The following EPSTI1 variants were observed in gnomAD, a reference collection of about 807,000 sequenced individuals.
The protein encoded by EPSTI1 is epithelial-stromal interaction protein 1.
In EPSTI1, 66 loss-of-function variants were observed where a neutral mutation model predicts 49.9. The observed-to-expected ratio is 1.32, with a 90% CI of 1.08 to 1.62. The LOEUF (loss-of-function observed/expected upper bound fraction) is 1.62. Ranked by LOEUF, EPSTI1 falls within the 40% of genes most tolerant of loss-of-function variation. The pLI, the probability that EPSTI1 is intolerant of heterozygous loss-of-function variation, is 0.00. For missense variants in EPSTI1, 394 were observed against 365.5 expected, an observed-to-expected ratio of 1.08 and a Z score of -0.64; for synonymous variants, 137 against 130.7, an observed-to-expected ratio of 1.05 and a Z score of -0.33.
intron 8 of EPSTI1, among the ~76,000 whole-genome samples, chr13:42,913,838 G>A (rs2037753926): frequency 6.6e-6 from 1 of 152,032 alleles, no homozygotes; most frequent in South Asian, 2.1e-4. Context: ...CCCAATCTTG[G>A]GGAAGGGACA....
chr13:42,907,461 C>T (rs962626382), intron 8 of EPSTI1, among the ~76,000 whole-genome samples: 7 of 152,084 alleles, frequency 4.6e-5, no homozygotes, highest in South Asian at 2.1e-4. Flanking sequence ...TTGTCTGTAT[C>T]TCTCATTATT....
chr13:42,903,910 G>GA (rs546752826), intron 8 of EPSTI1, among the ~76,000 whole-genome samples: 302 of 152,146 alleles, frequency 2.0e-3, no homozygotes, highest in African/African-American at 6.9e-3. Context: ...TTTTCATTTG[G>GA]AAAAAATACC....
At chr13:42,947,623 T>C (rs1286145980) in intron 6 of EPSTI1, among the ~76,000 whole-genome samples, 1 of 152,224 alleles carries the variant, frequency 6.6e-6, no homozygotes, top group Non-Finnish European at 1.5e-5. Context: ...TTATCATAAT[T>C]TGGCAAAACC....
At chr13:42,974,897 C>T (rs1042174534) in intron 1 of EPSTI1, among the ~76,000 whole-genome samples, 6 of 151,922 alleles carry the variant, frequency 3.9e-5, no homozygotes, top group African/African-American at 1.2e-4. Context: ...ACTGGTTTGA[C>T]AGAAAAAGAA....
chr13:42,971,066 T>C (rs2039755807), intron 1 of EPSTI1, among the ~76,000 whole-genome samples: 1 of 152,196 alleles, frequency 6.6e-6, no homozygotes, highest in African/African-American at 2.4e-5. Context: ...CACAGACTGA[T>C]CCTAGAGGCC....
At chr13:42,980,950 G>A (rs1470208805) in intron 1 of EPSTI1, among the ~76,000 whole-genome samples, 2 of 152,114 alleles carry the variant, frequency 1.3e-5, no homozygotes, top group South Asian at 2.1e-4. Context: ...TCTTATAGCA[G>A]GGGCTCAGCT....
chr13:42,928,006 T>C (rs1302136719), intron 6 of EPSTI1, among the ~76,000 whole-genome samples: 1 of 152,208 alleles, frequency 6.6e-6, no homozygotes, highest in African/African-American at 2.4e-5. Context: ...CAGGCAGCCC[T>C]TCAGTTTACT....
intron 8 of EPSTI1, among the ~76,000 whole-genome samples, chr13:42,915,523 C>A (rs1359497212): frequency 6.6e-6 from 1 of 152,072 alleles, no homozygotes; most frequent in African/African-American, 2.4e-5. Flanking sequence ...CAGAGTGAGA[C>A]CTGGTCTCAA....
chr13:42,924,608 T>C (rs1179319995), intron 7 of EPSTI1, among the ~76,000 whole-genome samples: 2 of 152,140 alleles, frequency 1.3e-5, no homozygotes, highest in South Asian at 2.1e-4. Flanking sequence ...GCCACAAGGA[T>C]ATCCAGACAG....
intron 1 of EPSTI1, among the ~76,000 whole-genome samples, chr13:42,972,074 C>G (rs1257516750): frequency 6.6e-6 from 1 of 152,164 alleles, no homozygotes; most frequent in Non-Finnish European, 1.5e-5. Flanking sequence ...TCCCTGGAAA[C>G]TTGAATATGA....
intron 6 of EPSTI1, among the ~76,000 whole-genome samples, chr13:42,952,037 T>C (rs1047793008): frequency 1.3e-5 from 2 of 152,158 alleles, no homozygotes; most frequent in African/African-American, 4.8e-5. Context: ...AATGCACCAA[T>C]CAGTGCTCTG....
At chr13:42,990,801 G>A (rs2040180359) in intron 1 of EPSTI1, among the ~76,000 whole-genome samples, 2 of 152,134 alleles carry the variant, frequency 1.3e-5, no homozygotes. Flanking sequence ...TAGCAACCAG[G>A]GTTTGTCTTT....
chr13:42,987,924 A>T (rs1019734468), intron 1 of EPSTI1, among the ~76,000 whole-genome samples: 1 of 152,232 alleles, frequency 6.6e-6, no homozygotes, highest in Non-Finnish European at 1.5e-5. Context: ...ATTATTGCTC[A>T]TGTTGAAGTC....
chr13:42,970,546 C>A, intron 2 of EPSTI1, 66 bp downstream of exon 2: 1 of 1,420,844 alleles, frequency 7.0e-7, no homozygotes, highest in Non-Finnish European at 9.6e-7. Flanking sequence ...AAATACTTCA[C>A]ACCAAAACAA....
At chr13:42,937,059 G>GA (rs1380669112) in intron 6 of EPSTI1, among the ~76,000 whole-genome samples, 25 of 115,734 alleles carry the variant, frequency 2.2e-4, no homozygotes, top group East Asian at 9.2e-4. Context: ...CCAGACCACT[G>GA]CAAAAAAAGC....
At chr13:42,957,890 C>A (rs1054986639) in intron 5 of EPSTI1, among the ~76,000 whole-genome samples, 1 of 152,204 alleles carries the variant, frequency 6.6e-6, no homozygotes, top group Non-Finnish European at 1.5e-5. Flanking sequence ...TTTAATTTTA[C>A]ACAGAGCAAA....
chr13:42,930,357 C>G (rs944142629), intron 6 of EPSTI1, among the ~76,000 whole-genome samples: 1 of 152,128 alleles, frequency 6.6e-6, no homozygotes, highest in Admixed American at 6.5e-5. Flanking sequence ...ATGTGTTTAG[C>G]AATATGGGTT....
At position 42,970,440 on chromosome 13, in the gene EPSTI1, G is replaced by A. The variant is rs58756156; in HGVS notation, c.247+172C>T. ...CTAACGTAGAGAAACAAACTTAGAA[G>A]TGTTAATAGTAGAATATTTTTAAAG... On this transcript the variant is annotated intron_variant, in intron 2 of 10. Transcript: ENST00000313624. 3,468 of 491,500 alleles carry A rather than the reference G, an allele frequency of 7.1e-3. 105 individuals carry two copies. Among genetic ancestry groups the A allele is most frequent in the African/African-American group, 0.063 (3,182 of 50,186 alleles). The allele number at this position is 491,500 out of a possible 1,614,324, so 30.4% of individuals were successfully genotyped here.
chr13:42,907,391 A>G (rs536686277), intron 8 of EPSTI1, among the ~76,000 whole-genome samples: 1 of 152,358 alleles, frequency 6.6e-6, no homozygotes, highest in South Asian at 2.1e-4. Flanking sequence ...ATCACTGAAC[A>G]AACTGTTTCA....
Sources: allele counts gnomAD v4.1 joint callset (sites outside exome capture counted in the v4.1 genomes callset), GRCh38; gene constraint gnomAD v4.1.1; transcripts MANE v1.5; gene names NCBI Gene and HGNC (gene_info 2026-07-23, HGNC 2026-07-21).